The following PROM1 variants were observed in gnomAD, a reference collection of about 807,000 sequenced individuals.
PROM1 encodes the protein prominin 1, also known as prominin-1.
PROM1 carries 105 observed loss-of-function variants against 116.9 expected under a neutral mutation model. The observed-to-expected ratio is 0.90, with a 90% CI of 0.77 to 1.06. The LOEUF is 1.06. Among genes scored for constraint, PROM1 ranks in the 50% least tolerant of loss-of-function variants. PROM1 has a pLI of 0.00. For missense variants in PROM1, 1,122 were observed against 1,045.2 expected (o/e 1.07, Z -1.01); for synonymous variants, 393 against 387.0 (o/e 1.02, Z -0.18).
intron 2 of PROM1, among the ~76,000 whole-genome samples, chr4:16,042,832 A>T (rs1279408505): frequency 6.6e-6 from 1 of 152,182 alleles, no homozygotes; most frequent in Non-Finnish European, 1.5e-5. Flanking sequence ...CGTTCACCCT[A>T]TACATCAACG....
At chr4:15,976,264 TG>T in intron 26 of PROM1, 3 of 443,804 alleles carry the variant, frequency 6.8e-6, no homozygotes, top group South Asian at 4.8e-5. Context: ...CGACTAGGGC[TG>T]TTTTCTAACA....
At chr4:16,067,710 G>T (rs1235242971) in intron 2 of PROM1, among the ~76,000 whole-genome samples, 1 of 152,228 alleles carries the variant, frequency 6.6e-6, no homozygotes, top group Non-Finnish European at 1.5e-5. Context: ...ACACGCAGAT[G>T]TTGGAGCCTG....
At chr4:16,008,757 A>T (rs1459809005) in intron 12 of PROM1, among the ~76,000 whole-genome samples, 192 bp downstream of exon 12, 1 of 152,250 alleles carries the variant, frequency 6.6e-6, no homozygotes, top group Non-Finnish European at 1.5e-5. Flanking sequence ...TTCCAATTTT[A>T]GTATATGTGC....
rs374219790 is a variant in PROM1, at chr4:15,989,716, C to T, written c.2076+16G>A. On this transcript the variant is annotated intron_variant, in intron 19 of 27. Coordinates refer to ENST00000447510, the MANE Select transcript of PROM1 (RefSeq NM_006017.3). The stretch of plus-strand genomic sequence containing the variant: ...GCTCAGGTCACAGTGAAATACAATA[C>T]GTCGTTGACTGTTACCAGTGATTGT... 29 of 1,568,558 alleles carry T rather than the reference C, an allele frequency of 1.8e-5. No homozygotes were observed. Among genetic ancestry groups the T allele is most frequent in the South Asian group, 3.5e-5 (3 of 86,814 alleles).
Position 16,075,861 on chromosome 4 carries a change from T to TC in PROM1, c.45dup (p.Asn16GlufsTer15). On this transcript the variant is annotated frameshift_variant, in exon 2 of 28. Transcript: ENST00000447510. LOFTEE classifies it high-confidence loss of function. ...GAAGGCTGCCCTCCTGAAAAGGAGT[T>TC]CCCGCACAGCCCCAGCAGCAACAGG... The TC allele has an allele frequency of 6.2e-7, 1 of 1,613,658 alleles. No homozygotes were observed. Among genetic ancestry groups the TC allele is most frequent in the Middle Eastern group, 1.6e-4 (1 of 6,062 alleles).
chr4:16,013,930 G>T (rs1009066566), intron 10 of PROM1, among the ~76,000 whole-genome samples: 2 of 122,386 alleles, frequency 1.6e-5, no homozygotes, highest in Non-Finnish European at 1.7e-5. Context: ...AATAAAATTA[G>T]AAATATAGTC....
At chr4:16,052,673 G>A (rs1005180345) in intron 2 of PROM1, among the ~76,000 whole-genome samples, 2 of 152,178 alleles carry the variant, frequency 1.3e-5, no homozygotes, top group African/African-American at 4.8e-5. Context: ...TAGAAACGAG[G>A]CTTTGCCGTG....
intron 11 of PROM1, 105 bp downstream of exon 11, chr4:16,013,170 T>A (rs1350400685): frequency 7.8e-6 from 7 of 900,842 alleles, no homozygotes; most frequent in Non-Finnish European, 1.2e-5. Flanking sequence ...ACAGCTTTAA[T>A]GAGAAACTGT....
intron 17 of PROM1, among the ~76,000 whole-genome samples, chr4:15,991,931 T>C (rs1721122561): frequency 1.6e-5 from 1 of 63,754 alleles, no homozygotes; most frequent in African/African-American, 7.6e-5. Context: ...CGAGACTCCG[T>C]CTCAAAAAAA....
At chr4:15,977,877 C>T (rs1049265933) in intron 26 of PROM1, among the ~76,000 whole-genome samples, 1 of 152,236 alleles carries the variant, frequency 6.6e-6, no homozygotes, top group Admixed American at 6.5e-5. Flanking sequence ...GGATTACAGG[C>T]ATGAGCCACC....
At chr4:16,035,824 G>A in intron 3 of PROM1, 63 bp from the exon 4 acceptor site, 1 of 1,497,886 alleles carries the variant, frequency 6.7e-7, no homozygotes, top group Non-Finnish European at 9.3e-7. Context: ...AAAACAGACA[G>A]AAAAAGTTAT....
At chr4:15,999,369 G>A (rs1046073853) in intron 14 of PROM1, among the ~76,000 whole-genome samples, 6 of 151,966 alleles carry the variant, frequency 3.9e-5, no homozygotes, top group Non-Finnish European at 8.8e-5. Context: ...TACTCGGGAG[G>A]CTGAGGCAGG....
chr4:15,985,069 A>T (rs916367114), intron 22 of PROM1, among the ~76,000 whole-genome samples: 16 of 152,206 alleles, frequency 1.1e-4, no homozygotes, highest in Admixed American at 1.0e-3. Flanking sequence ...GATTCAACCA[A>T]TCATAGATTA....
intron 2 of PROM1, among the ~76,000 whole-genome samples, chr4:16,040,807 T>C (rs1578171633): frequency 6.6e-6 from 1 of 152,182 alleles, no homozygotes; most frequent in African/African-American, 2.4e-5. Context: ...ATTTAGAGCA[T>C]GCAGATCACA....
chr4:15,999,457 T>C (rs148666918), intron 14 of PROM1, among the ~76,000 whole-genome samples: 1 of 150,384 alleles, frequency 6.6e-6, no homozygotes, highest in Non-Finnish European at 1.5e-5. Flanking sequence ...GGTGACAGAG[T>C]GAGACTCCGT....
At chr4:15,974,385 T>C (rs182976629) in intron 26 of PROM1, among the ~76,000 whole-genome samples, 21 of 152,208 alleles carry the variant, frequency 1.4e-4, no homozygotes, top group Non-Finnish European at 1.8e-4. Context: ...ACAGACTGTA[T>C]AATGGACTAA....
intron 12 of PROM1, among the ~76,000 whole-genome samples, chr4:16,006,960 G>A (rs1402645529): frequency 6.6e-6 from 1 of 152,098 alleles, no homozygotes; most frequent in Admixed American, 6.5e-5. Flanking sequence ...CCTTTGCTTT[G>A]ATTCCCACGG....
At chr4:16,075,584 T>G in intron 2 of PROM1, 103 bp downstream of exon 2, 1 of 1,191,248 alleles carries the variant, frequency 8.4e-7, no homozygotes, top group Non-Finnish European at 1.2e-6. Context: ...AAGCAATCGC[T>G]AAAATACTGA....
chr4:16,002,965 G>A (rs66575730), intron 13 of PROM1, among the ~76,000 whole-genome samples: 15,266 of 152,144 alleles, frequency 0.1, 869 homozygotes, highest in East Asian at 0.19. Flanking sequence ...AGATGAAAGA[G>A]CAAAAGAAGG....
Sources: allele counts gnomAD v4.1 joint callset (sites outside exome capture counted in the v4.1 genomes callset), GRCh38; gene constraint gnomAD v4.1.1; transcripts MANE v1.5; gene names NCBI Gene and HGNC (gene_info 2026-07-23, HGNC 2026-07-21).